Variants in EYS observed in about 807,000 individuals in gnomAD.
EYS encodes EGF-like photoreceptor maintenance factor, also known as protein eyes shut homolog.
A neutral mutation model predicts 282.1 loss-of-function variants in EYS; 250 were observed. The ratio of observed to expected loss-of-function variants is 0.89; its 90% CI spans 0.80 to 0.98. EYS has a LOEUF of 0.98. Ranked by LOEUF, EYS falls within the 50% of genes least tolerant of loss-of-function variation. EYS has a pLI of 0.00. For synonymous variants in EYS, 1,355 were observed against 1,282.9 expected (o/e 1.06, Z -1.20); for missense variants, 4,016 against 3,709.0 (o/e 1.08, Z -2.15).
At chr6:63,827,793 G>A (rs1407574595) in intron 36 of EYS, among the ~76,000 whole-genome samples, 3 of 147,320 alleles carry the variant, frequency 2.0e-5, no homozygotes, top group East Asian at 2.0e-4. Context: ...GCAGTGAGCT[G>A]AGATTGCGCC....
At chr6:65,127,793 G>A (rs1208103065) in intron 12 of EYS, among the ~76,000 whole-genome samples, 1 of 152,024 alleles carries the variant, frequency 6.6e-6, no homozygotes, top group East Asian at 1.9e-4. Context: ...TGAAGAGCCA[G>A]GGTGATGGGC....
chr6:64,308,098 G>A (rs2150376586), intron 29 of EYS, among the ~76,000 whole-genome samples: 1 of 152,038 alleles, frequency 6.6e-6, no homozygotes, highest in Non-Finnish European at 1.5e-5. Context: ...TTTTCTCTCA[G>A]ACATCAATTA....
chr6:65,026,871 C>G lies in EYS; in HGVS notation c.2138-29168G>C, dbSNP rs184963592. On this transcript the variant is annotated intron_variant, in intron 13 of 42. Coordinates refer to ENST00000503581, the MANE Select transcript of EYS (RefSeq NM_001142800.2). ...GGCAGAGGTTGCAGTGAGCCAAGAT[C>G]GTGCCATTGCACTCCAGCCTGGGCG... Among the ~76,000 whole-genome samples the G allele has an allele frequency of 6.8e-4, 101 of 149,514 alleles. 1 individual carries two copies. Among genetic ancestry groups the G allele is most frequent in the Non-Finnish European group, 1.5e-4 (10 of 67,556 alleles).
intron 14 of EYS, among the ~76,000 whole-genome samples, chr6:64,989,715 TA>T (rs1421938497): frequency 2.7e-4 from 39 of 145,494 alleles, no homozygotes; most frequent in African/African-American, 3.5e-4. Flanking sequence ...GTATAAATTA[TA>T]ATATAATTTT....
chr6:63,722,762 C>T (rs943353001), intron 42 of EYS, among the ~76,000 whole-genome samples: 4 of 152,084 alleles, frequency 2.6e-5, no homozygotes, highest in Admixed American at 2.0e-4. Context: ...TCCACACCTC[C>T]CTCCTGCAAA....
chr6:64,803,093 A>C (rs753888582), intron 22 of EYS, among the ~76,000 whole-genome samples: 48 of 152,168 alleles, frequency 3.2e-4, no homozygotes, highest in Non-Finnish European at 1.3e-4. Context: ...TGGAGATGCC[A>C]TGTGGTCCTC....
chr6:63,784,009 T>A (rs1770303657), intron 39 of EYS, among the ~76,000 whole-genome samples: 1 of 152,212 alleles, frequency 6.6e-6, no homozygotes, highest in African/African-American at 2.4e-5. Context: ...AAGAGGGAAT[T>A]CTTCCTGCCT....
At chr6:64,665,162 A>C (rs1040844800) in intron 22 of EYS, among the ~76,000 whole-genome samples, 1 of 152,224 alleles carries the variant, frequency 6.6e-6, no homozygotes, top group African/African-American at 2.4e-5. Context: ...CCACTGTAAT[A>C]ATGTTCTGGC....
intron 26 of EYS, among the ~76,000 whole-genome samples, chr6:64,515,207 T>G (rs1360681255): frequency 6.6e-6 from 1 of 151,698 alleles, no homozygotes; most frequent in Non-Finnish European, 1.5e-5. Flanking sequence ...AATACACTAT[T>G]TTTTACATTT....
chr6:65,656,121 A>G (rs949438465), intron 1 of EYS, among the ~76,000 whole-genome samples: 2 of 151,824 alleles, frequency 1.3e-5, no homozygotes, highest in African/African-American at 4.8e-5. Flanking sequence ...CTAATCAACA[A>G]ATGTATGTAT....
chr6:64,809,238 C>T (rs1397684438), intron 22 of EYS, among the ~76,000 whole-genome samples: 2 of 151,956 alleles, frequency 1.3e-5, no homozygotes, highest in Admixed American at 6.6e-5. Flanking sequence ...CAACTTAATT[C>T]TGTAACAATA....
rs1032632958 is a variant in EYS, at chr6:65,629,743, C to T, written c.-333+10035G>A. On this transcript the variant is annotated intron_variant, in intron 2 of 42. Coordinates refer to ENST00000503581, the MANE Select transcript of EYS (RefSeq NM_001142800.2). ...GGCGGCCCTACAATTAAACCTCCTT[C>T]TCTGCTGCAACCTGATGTCTTGGTG... Among the ~76,000 whole-genome samples the T allele has an allele frequency of 2.0e-5, 3 of 152,258 alleles. No homozygotes were observed. In the East Asian group the frequency reaches 5.8e-4, roughly 29 times the overall value.
At chr6:64,568,075 G>A (rs1342679579) in intron 26 of EYS, among the ~76,000 whole-genome samples, 1 of 152,168 alleles carries the variant, frequency 6.6e-6, no homozygotes, top group African/African-American at 2.4e-5. Flanking sequence ...AATTTTCTGT[G>A]TACAGTACCA....
chr6:64,082,288 T>A (rs1771999472), intron 31 of EYS, among the ~76,000 whole-genome samples: 1 of 152,102 alleles, frequency 6.6e-6, no homozygotes, highest in Non-Finnish European at 1.5e-5. Flanking sequence ...CTGAAAAAAA[T>A]TTGTGTACTT....
chr6:64,534,038 G>A (rs1764437008), intron 26 of EYS, among the ~76,000 whole-genome samples: 1 of 151,808 alleles, frequency 6.6e-6, no homozygotes, highest in Middle Eastern at 3.4e-3. Flanking sequence ...TAGAAAAGTG[G>A]ACAAGAGAAC....
chr6:64,395,037 A>C (rs560502887), intron 28 of EYS, among the ~76,000 whole-genome samples: 1 of 152,228 alleles, frequency 6.6e-6, no homozygotes, highest in Non-Finnish European at 1.5e-5. Context: ...AAAAATGCTC[A>C]TCATCACTGG....
At chr6:65,644,980 T>C (rs536619386) in intron 1 of EYS, among the ~76,000 whole-genome samples, 1 of 152,066 alleles carries the variant, frequency 6.6e-6, no homozygotes, top group African/African-American at 2.4e-5. Context: ...AGGACTTATA[T>C]AACAATAACA....
chr6:63,879,163 T>A (rs1475149275), intron 35 of EYS, among the ~76,000 whole-genome samples: 1 of 152,184 alleles, frequency 6.6e-6, no homozygotes, highest in African/African-American at 2.4e-5. Context: ...TGAGTAGATT[T>A]TGGTGCCATT....
chr6:64,694,689 C>A (rs1250683826), intron 22 of EYS, among the ~76,000 whole-genome samples: 1 of 152,132 alleles, frequency 6.6e-6, no homozygotes, highest in African/African-American at 2.4e-5. Flanking sequence ...TGGGGAGAAG[C>A]CTTCATAACT....
Sources: allele counts gnomAD v4.1 joint callset (sites outside exome capture counted in the v4.1 genomes callset), GRCh38; gene constraint gnomAD v4.1.1; transcripts MANE v1.5; gene names NCBI Gene and HGNC (gene_info 2026-07-23, HGNC 2026-07-21).